Variants in GRAMD1B observed in about 807,000 individuals in gnomAD.
GRAMD1B encodes the protein protein Aster-B.
Under a neutral mutation model 99.7 loss-of-function variants are expected in GRAMD1B, and 37 were observed. The ratio of observed to expected loss-of-function variants is 0.37; its 90% confidence interval spans 0.29 to 0.49. The LOEUF is 0.49. Among genes scored for constraint, GRAMD1B ranks in the 20% least tolerant of loss-of-function variants. GRAMD1B has a pLI of 0.98. For synonymous variants in GRAMD1B, 427 were observed against 387.6 expected, an observed-to-expected ratio of 1.10 and a Z score of -1.19; for missense variants, 888 against 1,009.2, an observed-to-expected ratio of 0.88 and a Z score of 1.63.
At chr11:123,547,864 T>C (rs73027957) in intron 2 of GRAMD1B, among the ~76,000 whole-genome samples, 1,736 of 152,320 alleles carry the variant, frequency 0.011, 19 homozygotes, top group Non-Finnish European at 0.019. Flanking sequence ...CATGTGTTAA[T>C]TATTCTTACA....
At chr11:123,407,268 A>ATTT (rs11377807) in intron 1 of GRAMD1B, among the ~76,000 whole-genome samples, 2 of 148,876 alleles carry the variant, frequency 1.3e-5, no homozygotes, top group African/African-American at 4.9e-5. Flanking sequence ...CTTCCTTTGA[A>ATTT]TTTTTTTTTT....
chr11:123,370,670 C>T (rs1946496720), intron 1 of GRAMD1B, among the ~76,000 whole-genome samples: 1 of 152,040 alleles, frequency 6.6e-6, no homozygotes, highest in Non-Finnish European at 1.5e-5. Context: ...AATTATATTT[C>T]CTCTCTGAAG....
At chr11:123,546,800 G>A (rs909388356) in intron 2 of GRAMD1B, among the ~76,000 whole-genome samples, 3 of 152,132 alleles carry the variant, frequency 2.0e-5, no homozygotes, top group African/African-American at 7.2e-5. Context: ...AGCATACAGG[G>A]ACCCAGCAGT....
At chr11:123,530,922 G>T (rs987059040) in intron 2 of GRAMD1B, among the ~76,000 whole-genome samples, 1 of 152,120 alleles carries the variant, frequency 6.6e-6, no homozygotes, top group African/African-American at 2.4e-5. Context: ...TGCCTTGGGT[G>T]GTGGTGGTTT....
chr11:123,548,349 C>CACACATAT (rs1184195342), intron 2 of GRAMD1B, among the ~76,000 whole-genome samples: 2 of 107,764 alleles, frequency 1.9e-5, no homozygotes, highest in African/African-American at 9.1e-5. Flanking sequence ...CACACACACA[C>CACACATAT]ATATATATAT....
At chr11:123,593,924 G>A (rs1451937494) in intron 4 of GRAMD1B, among the ~76,000 whole-genome samples, 158 bp from the exon 5 acceptor site, 1 of 152,100 alleles carries the variant, frequency 6.6e-6, no homozygotes. Context: ...TCTCCACACC[G>A]AGGCGCCGTT....
intron 4 of GRAMD1B, among the ~76,000 whole-genome samples, chr11:123,586,224 G>A (rs1013390750): frequency 1.3e-5 from 2 of 152,198 alleles, no homozygotes; most frequent in African/African-American, 4.8e-5. Flanking sequence ...GCCAGCGGAG[G>A]AGCTGGGCGT....
intron 2 of GRAMD1B, among the ~76,000 whole-genome samples, chr11:123,548,325 T>TATACACACACACACACACAC (rs1555067740): frequency 2.9e-4 from 25 of 86,862 alleles, no homozygotes; most frequent in Non-Finnish European, 4.4e-4. Flanking sequence ...TATATATATA[T>TATACACACACACACACACAC]ACACACACAC....
intron 1 of GRAMD1B, among the ~76,000 whole-genome samples, chr11:123,466,487 A>AAAAG (rs747416783): frequency 2.0e-5 from 3 of 151,514 alleles, no homozygotes; most frequent in Admixed American, 6.6e-5. Context: ...GAAAGAAAGA[A>AAAAG]AAAGAAAGAA....
At chr11:123,396,464 TG>T (rs1947468461) in intron 1 of GRAMD1B, among the ~76,000 whole-genome samples, 1 of 151,966 alleles carries the variant, frequency 6.6e-6, no homozygotes, top group Non-Finnish European at 1.5e-5. Context: ...TTAGTAGAGA[TG>T]GGGTTTCGCC....
chr11:123,369,441 A>G (rs1226236565), intron 1 of GRAMD1B, among the ~76,000 whole-genome samples: 2 of 152,242 alleles, frequency 1.3e-5, no homozygotes, highest in Admixed American at 6.5e-5. Context: ...CTAGCAAAAA[A>G]TAAGAACAAA....
At chr11:123,558,622 C>T (rs898726058) in intron 2 of GRAMD1B, among the ~76,000 whole-genome samples, 7 of 152,234 alleles carry the variant, frequency 4.6e-5, no homozygotes, top group Admixed American at 4.6e-4. Context: ...AGATCTGACT[C>T]TAGTCCAAGA....
At chr11:123,501,111 T>C (rs570953244) in intron 2 of GRAMD1B, among the ~76,000 whole-genome samples, 1 of 152,316 alleles carries the variant, frequency 6.6e-6, no homozygotes, top group South Asian at 2.1e-4. Flanking sequence ...GTCAAGCTTG[T>C]TGGTAGCATA....
intron 2 of GRAMD1B, among the ~76,000 whole-genome samples, chr11:123,542,799 C>T (rs1440265020): frequency 2.0e-5 from 3 of 151,978 alleles, no homozygotes; most frequent in Admixed American, 6.6e-5. Context: ...ATTACAGGTG[C>T]GTGCCACCAT....
chr11:123,517,738 T>A (rs756559702), intron 2 of GRAMD1B, among the ~76,000 whole-genome samples: 3 of 152,194 alleles, frequency 2.0e-5, no homozygotes, highest in African/African-American at 4.8e-5. Flanking sequence ...ATAAATAGAT[T>A]CTTATTGTGT....
chr11:123,618,453 T>G, intron 17 of GRAMD1B: 1 of 1,073,034 alleles, frequency 9.3e-7, no homozygotes, highest in Non-Finnish European at 1.5e-6. Flanking sequence ...TGCCTATGCA[T>G]CTCTCCTTTC....
intron 17 of GRAMD1B, among the ~76,000 whole-genome samples, chr11:123,617,409 G>A (rs1313677752): frequency 6.6e-6 from 1 of 151,906 alleles, no homozygotes; most frequent in South Asian, 2.1e-4. Context: ...GGCTGGTTTT[G>A]AACTCCCCAG....
At chr11:123,609,030 C>T (rs1213858579) in intron 12 of GRAMD1B, among the ~76,000 whole-genome samples, 1 of 152,076 alleles carries the variant, frequency 6.6e-6, no homozygotes, top group Admixed American at 6.5e-5. Context: ...TTTCCCACTA[C>T]ACACCAGGCA....
intron 2 of GRAMD1B, among the ~76,000 whole-genome samples, chr11:123,493,491 T>C (rs1938854499): frequency 6.6e-6 from 1 of 152,148 alleles, no homozygotes; most frequent in Admixed American, 6.5e-5. Context: ...ACTTCCCAGT[T>C]GCCAGGGGAA....
Sources: gnomAD v4.1 joint callset for allele counts (sites outside exome capture counted in the v4.1 genomes callset) on GRCh38, gnomAD v4.1.1 for gene constraint, MANE v1.5 for transcripts, NCBI Gene and HGNC (gene_info 2026-07-23, HGNC 2026-07-21) for gene names.